Variants in CHCHD3 observed in about 807,000 individuals in gnomAD.
CHCHD3 encodes MICOS complex subunit MIC19.
In CHCHD3, 20 loss-of-function variants were observed where a neutral mutation model predicts 38.2. The ratio of observed to expected loss-of-function variants is 0.52; its 90% CI spans 0.37 to 0.76. CHCHD3 has a LOEUF of 0.76. Ranked by LOEUF, CHCHD3 falls within the 30% of genes least tolerant of loss-of-function variation. The probability of loss-of-function intolerance (pLI) is 0.00; values close to 1 mark genes in which losing one functional copy is unlikely to be tolerated. For missense variants in CHCHD3, 245 were observed against 279.2 expected, an observed-to-expected ratio of 0.88 and a Z score of 0.87; for synonymous variants, 82 against 100.0, an observed-to-expected ratio of 0.82 and a Z score of 1.07.
chr7:132,925,792 G>C (rs1810363190), intron 4 of CHCHD3, among the ~76,000 whole-genome samples: 1 of 152,134 alleles, frequency 6.6e-6, no homozygotes, highest in Admixed American at 6.5e-5. Context: ...CAAACACAGA[G>C]CAACAACAAA....
Position 132,849,925 on chromosome 7 carries a change from T to C in CHCHD3, c.454-11456A>G, listed in dbSNP as rs1476876953. 5.3e-5 allele frequency among the ~76,000 whole-genome samples: 8 copies of C among 152,292 alleles called. No individual in the cohort carries two copies. The South Asian group carries it at 1.5e-3, about 28-fold the overall frequency. On this transcript the variant is annotated intron_variant, in intron 5 of 7. Coordinates refer to ENST00000262570, the MANE Select transcript of CHCHD3 (RefSeq NM_017812.4). ...GGCTCTGATGACACTGAAGCCACCA[T>C]GCCAGCCTTTTATTAAACAAGAAAA... is the stretch of plus-strand genomic sequence containing the variant.
At chr7:133,045,096 G>A (rs1813946768) in intron 2 of CHCHD3, among the ~76,000 whole-genome samples, 1 of 152,164 alleles carries the variant, frequency 6.6e-6, no homozygotes, top group Non-Finnish European at 1.5e-5. Flanking sequence ...TCAGACAGAG[G>A]GGCTTAACAG....
chr7:132,882,916 T>C (rs914381715), intron 5 of CHCHD3, among the ~76,000 whole-genome samples: 1 of 152,154 alleles, frequency 6.6e-6, no homozygotes, highest in South Asian at 2.1e-4. Context: ...GATACCCACA[T>C]GTTGAGGGAG....
At chr7:132,853,963 T>C (rs769382601) in intron 5 of CHCHD3, among the ~76,000 whole-genome samples, 3 of 152,156 alleles carry the variant, frequency 2.0e-5, no homozygotes, top group African/African-American at 4.8e-5. Flanking sequence ...AAGACAAAGA[T>C]TGGTAAAATC....
At chr7:132,919,258 G>A (rs1346488628) in intron 4 of CHCHD3, among the ~76,000 whole-genome samples, 1 of 151,792 alleles carries the variant, frequency 6.6e-6, no homozygotes, top group South Asian at 2.1e-4. Flanking sequence ...ACAGGCGCCC[G>A]CCAGCATGCC....
chr7:132,859,995 G>A (rs575604615), intron 5 of CHCHD3, among the ~76,000 whole-genome samples: 60 of 152,226 alleles, frequency 3.9e-4, no homozygotes, highest in African/African-American at 1.2e-3. Context: ...CACAGGGCTC[G>A]GCTCGGTGGC....
intron 6 of CHCHD3, among the ~76,000 whole-genome samples, chr7:132,798,864 T>G (rs1003674261): frequency 3.6e-4 from 55 of 152,194 alleles, no homozygotes; most frequent in African/African-American, 1.2e-3. Flanking sequence ...TAGATAAGCA[T>G]GTATCCTGGG....
rs762744170 is a variant in CHCHD3, at chr7:132,836,047, A to T, written c.524+2352T>A. Among the ~76,000 whole-genome samples, 8 of 152,120 alleles carry T rather than the reference A, an allele frequency of 5.3e-5. 1 individual carries two copies. Among genetic ancestry groups the T allele is most frequent in the Non-Finnish European group, 1.0e-4 (7 of 68,024 alleles). On this transcript the variant is annotated intron_variant, in intron 6 of 7. Transcript: ENST00000262570. ...TGAGAAAATACCTTTCTGTTATTTA[A>T]GCCACCCGGTCTGTGGTACTTTGCA...
chr7:133,044,672 T>C (rs545077707), intron 2 of CHCHD3, among the ~76,000 whole-genome samples: 103 of 152,250 alleles, frequency 6.8e-4, no homozygotes, highest in Non-Finnish European at 1.2e-3. Flanking sequence ...CAAGCTATTT[T>C]TGTGAAATAC....
intron 6 of CHCHD3, among the ~76,000 whole-genome samples, chr7:132,836,295 T>G (rs1186653362): frequency 6.6e-6 from 1 of 152,058 alleles, no homozygotes; most frequent in African/African-American, 2.4e-5. Context: ...AATTTTTGTA[T>G]TTTTAGTAGA....
intron 2 of CHCHD3, among the ~76,000 whole-genome samples, chr7:133,069,394 T>A (rs1231611321): frequency 6.6e-6 from 1 of 152,138 alleles, no homozygotes; most frequent in Non-Finnish European, 1.5e-5. Context: ...TATAGCCAGA[T>A]TTCCCCCTTT....
chr7:132,985,961 A>G (rs112548322), intron 3 of CHCHD3, among the ~76,000 whole-genome samples: 2,838 of 152,106 alleles, frequency 0.019, 103 homozygotes, highest in African/African-American at 0.064. Context: ...TGGAATAGAA[A>G]GGGGGAGAAG....
intron 5 of CHCHD3, among the ~76,000 whole-genome samples, chr7:132,854,538 AACC>A (rs1317967453): frequency 6.6e-6 from 1 of 152,236 alleles, no homozygotes; most frequent in Non-Finnish European, 1.5e-5. Flanking sequence ...AAACCTATGC[AACC>A]ACAAGGTCAA....
At chr7:132,973,078 T>C (rs1811651606) in intron 4 of CHCHD3, 1 of 985,298 alleles carries the variant, frequency 1.0e-6, no homozygotes, top group African/African-American at 1.7e-5. Context: ...TGAGTGTGTG[T>C]ATATATTTAA....
intron 4 of CHCHD3, among the ~76,000 whole-genome samples, chr7:132,894,897 T>C (rs939496612): frequency 1.3e-5 from 2 of 152,198 alleles, no homozygotes; most frequent in Non-Finnish European, 2.9e-5. Context: ...GAATGCACAA[T>C]CCAGGAGCAA....
chr7:133,039,591 C>T lies in CHCHD3; in HGVS notation c.170-14964G>A, dbSNP rs1216530662. Among the ~76,000 whole-genome samples, 5 of 152,294 alleles carry T rather than the reference C, an allele frequency of 3.3e-5. No individual in the cohort carries two copies. In the East Asian group the frequency reaches 9.6e-4, roughly 29 times the overall value. The stretch of plus-strand genomic sequence containing the variant: ...GAAAAGAACTTGCATGTCAGAGTTG[C>T]CAACATTTTCCGCACTTGAAGTCTT... On this transcript the variant is annotated intron_variant, in intron 2 of 7. Transcript: ENST00000262570.
chr7:133,023,716 A>G (rs909053847), intron 3 of CHCHD3, among the ~76,000 whole-genome samples: 6 of 152,218 alleles, frequency 3.9e-5, no homozygotes, highest in Non-Finnish European at 7.4e-5. Context: ...AAAACTTCAA[A>G]AAGTAGTATT....
intron 5 of CHCHD3, among the ~76,000 whole-genome samples, chr7:132,858,223 T>C (rs4731914): frequency 0.29 from 43,562 of 151,866 alleles, 6,336 homozygotes; most frequent in East Asian, 0.37. Context: ...CCACCACGCC[T>C]GGCTGATTTT....
At chr7:132,815,388 T>C (rs1807173417) in intron 6 of CHCHD3, 1 of 331,542 alleles carries the variant, frequency 3.0e-6, no homozygotes, top group South Asian at 2.4e-5. Context: ...AATGGAATGT[T>C]AATATATTCT....
Sources: gnomAD v4.1 joint callset for allele counts (sites outside exome capture counted in the v4.1 genomes callset) on GRCh38, gnomAD v4.1.1 for gene constraint, MANE v1.5 for transcripts, NCBI Gene and HGNC (gene_info 2026-07-23, HGNC 2026-07-21) for gene names.